The following NOX4 variants were observed in gnomAD, a reference collection of about 807,000 sequenced individuals.
NOX4 encodes kidney oxidase-1.
A neutral mutation model predicts 87.6 loss-of-function variants in NOX4; 69 were observed. The ratio of observed to expected loss-of-function variants is 0.79; its 90% confidence interval spans 0.65 to 0.96. The LOEUF is 0.96. NOX4 is among the 40% of genes least tolerant of loss of function. The pLI is 0.00. For missense variants in NOX4, 680 were observed against 681.5 expected (o/e 1.00, Z 0.02); for synonymous variants, 275 against 238.2 (o/e 1.15, Z -1.42).
intron 2 of NOX4, among the ~76,000 whole-genome samples, chr11:89,484,877 C>A (rs1946529966): frequency 6.6e-6 from 1 of 152,024 alleles, no homozygotes; most frequent in Non-Finnish European, 1.5e-5. Context: ...ATAACATGTG[C>A]CTGAGCAACT....
chr11:89,392,158 A>T (rs1941176717), intron 11 of NOX4, among the ~76,000 whole-genome samples: 2 of 151,908 alleles, frequency 1.3e-5, no homozygotes, highest in South Asian at 4.2e-4. Flanking sequence ...AAATAAGACA[A>T]TTTTTTTTCT....
the NOX4 span, among the ~76,000 whole-genome samples, chr11:89,519,795 G>T: frequency 6.6e-6 from 1 of 151,918 alleles, no homozygotes; most frequent in South Asian, 2.1e-4. Flanking sequence ...ACCAATATCA[G>T]GTCTGTCTGA....
intron 5 of NOX4, 95 bp from the exon 6 acceptor site, chr11:89,440,810 T>A: frequency 1.6e-6 from 1 of 634,476 alleles, no homozygotes; most frequent in Non-Finnish European, 2.6e-6. Context: ...ACCACATACT[T>A]GTCATGTAAA....
At position 89,400,305 on chromosome 11, in the gene NOX4, C is replaced by G. The variant is rs751236117; in HGVS notation, c.921G>C (p.Lys307Asn). The stretch of plus-strand genomic sequence containing the variant: ...TCATGACCGAAATGATGGTGACTGG[C>G]TTATTGCTCCGGATATACCTGTAAA... The part of the protein sequence containing the change: ...ERLYRYIRSN[K>N]PVTIISVMSH... Residue 307 changes from lysine (K) to asparagine (N), a missense_variant, in exon 10 of 18, where the codon AAG (lysine) becomes AAC (asparagine). By Grantham distance (94) the Lys-to-Asn change is moderately conservative. Coordinates refer to ENST00000263317, the MANE Select transcript of NOX4 (RefSeq NM_016931.5). 6.2e-7 allele frequency: 1 copy of G among 1,612,832 alleles called. No individual in the cohort carries two copies. The highest frequency in any genetic ancestry group is 2.2e-5 in the East Asian group (1 of 44,800).
Position 89,374,187 on chromosome 11 carries a change from CACTT to C in NOX4, c.1075-699_1075-696del, listed in dbSNP as rs1329526461. 7.9e-5 allele frequency among the ~76,000 whole-genome samples: 12 copies of C among 152,230 alleles called. No homozygotes were observed. The South Asian group carries it at 2.3e-3, about 29-fold the overall frequency. On this transcript the variant is annotated intron_variant, in intron 11 of 17. Transcript: ENST00000263317. ...TCTTCTTGTTTTCTGGATTCCTACT[CACTT>C]ACCCTCGATTCCAAAATTTGAATAA...
At position 89,486,640 on chromosome 11, in the gene NOX4, A is replaced by G. The variant is rs12361049; in HGVS notation, c.153+3818T>C. ...TATATATGTGTATATATACATATAT[A>G]TGTGTGTATATATGTGTATATATAC... On this transcript the variant is annotated intron_variant, in intron 2 of 17. Coordinates refer to ENST00000263317, the MANE Select transcript of NOX4 (RefSeq NM_016931.5). Among the ~76,000 whole-genome samples the G allele has an allele frequency of 1.5e-3, 143 of 97,472 alleles. 5 individuals are homozygous for G. Among genetic ancestry groups the G allele is most frequent in the South Asian group, 2.8e-3 (9 of 3,190 alleles). 63.9% of individuals were successfully genotyped at this position (97,472 alleles called of 152,430 possible). A position where few individuals can be genotyped will look rare whatever the true frequency, so the allele number is the denominator to read the frequency against.
chr11:89,534,108 T>G, the NOX4 span: 1 of 152,272 alleles, frequency 6.6e-6, no homozygotes, highest in Non-Finnish European at 1.5e-5. Flanking sequence ...GCATCAGTCA[T>G]GCTCACTCTC....
chr11:89,566,450 AG>A, the NOX4 span, among the ~76,000 whole-genome samples: 2 of 152,116 alleles, frequency 1.3e-5, no homozygotes, highest in African/African-American at 4.8e-5. Context: ...ATTCTCTAGG[AG>A]GTTTTATATA....
At chr11:89,347,855 G>A (rs189640163) in intron 13 of NOX4, among the ~76,000 whole-genome samples, 16 of 152,196 alleles carry the variant, frequency 1.1e-4, no homozygotes, top group African/African-American at 2.9e-4. Context: ...GGCCCCATGC[G>A]GTAGCTCATG....
the NOX4 span, among the ~76,000 whole-genome samples, chr11:89,530,726 T>C: frequency 6.6e-6 from 1 of 152,118 alleles, no homozygotes; most frequent in African/African-American, 2.4e-5. Context: ...ATTTCTCTCC[T>C]TCCTGGCCAG....
upstream of NOX4, among the ~76,000 whole-genome samples, chr11:89,501,574 T>C (rs1340500949): frequency 1.3e-5 from 2 of 152,098 alleles, no homozygotes; most frequent in African/African-American, 4.8e-5. Flanking sequence ...TCTGAAAGAA[T>C]TTTATTATCA....
chr11:89,483,395 A>G (rs183412094), intron 2 of NOX4, among the ~76,000 whole-genome samples: 138 of 152,248 alleles, frequency 9.1e-4, no homozygotes, highest in African/African-American at 2.9e-3. Flanking sequence ...TGTATACATA[A>G]TAGGATACTA....
At chr11:89,430,934 A>T (rs1943747089) in intron 7 of NOX4, among the ~76,000 whole-genome samples, 2 of 152,198 alleles carry the variant, frequency 1.3e-5, no homozygotes, top group South Asian at 4.1e-4. Context: ...TGGAGGCATC[A>T]CGCTACCTGA....
chr11:89,378,875 C>T (rs1940061582), intron 11 of NOX4, among the ~76,000 whole-genome samples: 1 of 152,134 alleles, frequency 6.6e-6, no homozygotes, highest in Non-Finnish European at 1.5e-5. Flanking sequence ...AGCACCGAAT[C>T]TCCCACAATT....
the NOX4 span, among the ~76,000 whole-genome samples, chr11:89,578,221 G>A: frequency 3.0e-4 from 45 of 151,768 alleles, no homozygotes; most frequent in Non-Finnish European, 4.7e-4. Context: ...GAGTGCCGTG[G>A]CGTGATCACG....
chr11:89,574,856 G>C, the NOX4 span, among the ~76,000 whole-genome samples: 747 of 152,292 alleles, frequency 4.9e-3, 3 homozygotes, highest in African/African-American at 0.01. Context: ...AATAATTTAT[G>C]TAGTTACCTA....
intron 5 of NOX4, among the ~76,000 whole-genome samples, chr11:89,441,974 C>T (rs1405028192): frequency 7.0e-6 from 1 of 143,142 alleles, no homozygotes; most frequent in Non-Finnish European, 1.5e-5. Flanking sequence ...TATATATAAT[C>T]AATATATAAA....
intron 2 of NOX4, among the ~76,000 whole-genome samples, chr11:89,453,162 C>G (rs550857184): frequency 6.6e-6 from 1 of 152,196 alleles, no homozygotes; most frequent in South Asian, 2.1e-4. Context: ...AGGCCTATTA[C>G]TAGGCCTATT....
chr11:89,581,765 T>A, the NOX4 span, among the ~76,000 whole-genome samples: 1 of 152,160 alleles, frequency 6.6e-6, no homozygotes, highest in African/African-American at 2.4e-5. Context: ...ACTTGATAAG[T>A]TTGGAGGTAA....
Sources: gnomAD v4.1 joint callset for allele counts (sites outside exome capture counted in the v4.1 genomes callset) on GRCh38, gnomAD v4.1.1 for gene constraint, MANE v1.5 for transcripts, NCBI Gene and HGNC (gene_info 2026-07-23, HGNC 2026-07-21) for gene names.